Variants in PDE4D observed in about 807,000 individuals in gnomAD.
The protein encoded by PDE4D is phosphodiesterase 4D.
Under a neutral mutation model 87.4 loss-of-function variants are expected in PDE4D, and 24 were observed. The ratio of observed to expected loss-of-function variants is 0.27; its 90% CI spans 0.20 to 0.39. The LOEUF is 0.39. Among genes scored for constraint, PDE4D ranks in the 10% least tolerant of loss-of-function variants. The pLI is 1.00. For missense variants in PDE4D, 714 were observed against 1,041.0 expected (o/e 0.69, Z 4.32); for synonymous variants, 384 against 383.2 (o/e 1.00, Z -0.02).
chr5:60,305,874 G>T (rs1754457618), intron 1 of PDE4D, among the ~76,000 whole-genome samples: 1 of 151,802 alleles, frequency 6.6e-6, no homozygotes, highest in African/African-American at 2.4e-5. Flanking sequence ...GAAACTAACA[G>T]AAATACAGTA....
At chr5:60,032,787 G>A (rs1767383417) in intron 2 of PDE4D, 1 of 152,146 alleles carries the variant, frequency 6.6e-6, no homozygotes, top group South Asian at 2.1e-4. Context: ...TTCTTTTAGG[G>A]AAGGATGTAG....
chr5:59,223,845 G>A (rs553754643), intron 1 of PDE4D, among the ~76,000 whole-genome samples: 25 of 152,048 alleles, frequency 1.6e-4, no homozygotes, highest in South Asian at 8.3e-4. Flanking sequence ...TAGGATACCC[G>A]GAGAAGGCAT....
chr5:59,996,749 G>T (rs576657759), intron 2 of PDE4D, among the ~76,000 whole-genome samples: 1 of 152,126 alleles, frequency 6.6e-6, no homozygotes, highest in Non-Finnish European at 1.5e-5. Flanking sequence ...AAAGGGCATT[G>T]TATCGACTTA....
chr5:59,798,874 C>G (rs1377055028), intron 1 of PDE4D, among the ~76,000 whole-genome samples: 1 of 152,130 alleles, frequency 6.6e-6, no homozygotes, highest in Non-Finnish European at 1.5e-5. Context: ...GAGATGATGA[C>G]AGCTACTGTG....
At chr5:59,416,195 T>A (rs899432410) in intron 1 of PDE4D, among the ~76,000 whole-genome samples, 4 of 152,202 alleles carry the variant, frequency 2.6e-5, no homozygotes, top group African/African-American at 9.6e-5. Context: ...TTTTTATGTC[T>A]CAAAGGAGAA....
In PDE4D at chr5:60,211,214, C is replaced by T. The variant is rs1203367360; in HGVS notation, c.-89-25527G>A. 3.6e-4 allele frequency among the ~76,000 whole-genome samples: 55 copies of T among 152,158 alleles called. 1 individual carries two copies. Among genetic ancestry groups the T allele is most frequent in the Admixed American group, 3.6e-3 (55 of 15,272 alleles). On this transcript the variant is annotated intron_variant, in intron 1 of 16. Coordinates refer to the PDE4D transcript ENST00000502484. ...AATACATTTCTCTGCACCCAGGGAC[C>T]CTCACATTAGCTCGTAGATGCCATT...
chr5:60,255,007 T>C (rs1359961428), intron 1 of PDE4D, among the ~76,000 whole-genome samples: 1 of 151,878 alleles, frequency 6.6e-6, no homozygotes, highest in Non-Finnish European at 1.5e-5. Flanking sequence ...GCTTAAATAC[T>C]TCATAAAGAA....
intron 1 of PDE4D, among the ~76,000 whole-genome samples, chr5:60,337,101 C>T (rs1326961580): frequency 2.0e-5 from 3 of 150,342 alleles, no homozygotes; most frequent in South Asian, 2.1e-4. Context: ...CGGTGGATCA[C>T]CTGAGGTCAG....
chr5:59,468,000 C>CA (rs148395847), intron 1 of PDE4D, among the ~76,000 whole-genome samples: 3 of 150,996 alleles, frequency 2.0e-5, no homozygotes, highest in Non-Finnish European at 3.0e-5. Flanking sequence ...AGAAAAAGAT[C>CA]AAAAAAAAGT....
rs1300466316 is a variant in PDE4D, at chr5:59,399,200, ATG to A, written c.456-183234_456-183233del. ...CAATGCCATCCCCATCAAGCTACCC[ATG>A]ACTTTCTTCACAGAATTGGAAAAAA... On this transcript the variant is annotated intron_variant, in intron 1 of 14. Transcript: ENST00000340635. Among the ~76,000 whole-genome samples, 3 of 135,540 alleles carry A rather than the reference ATG, an allele frequency of 2.2e-5. No individual in the cohort carries two copies. In the East Asian group the frequency reaches 6.6e-4, roughly 30 times the overall value. The allele number at this position is 135,540 out of a possible 152,430, so 88.9% of individuals were successfully genotyped here. A position where few individuals can be genotyped will look rare whatever the true frequency, so the allele number is the denominator to read the frequency against.
At chr5:60,474,108 A>ATATATATATGTGTATG (rs796843843) in intron 1 of PDE4D, among the ~76,000 whole-genome samples, 2 of 52,312 alleles carry the variant, frequency 3.8e-5, no homozygotes, top group Non-Finnish European at 6.7e-5. Flanking sequence ...GAGCTGCCAT[A>ATATATATATGTGTATG]TATATATATA....
intron 2 of PDE4D, among the ~76,000 whole-genome samples, chr5:60,142,885 T>C (rs1261211451): frequency 6.6e-6 from 1 of 152,186 alleles, no homozygotes; most frequent in Admixed American, 6.6e-5. Context: ...TTTAGGATTG[T>C]GGCCACAAAA....
intron 1 of PDE4D, among the ~76,000 whole-genome samples, chr5:59,365,457 C>A (rs541545154): frequency 2.4e-4 from 36 of 152,120 alleles, no homozygotes; most frequent in Non-Finnish European, 4.6e-4. Context: ...CAGAGTAAGA[C>A]CCTATCTCTA....
chr5:60,039,997 T>A (rs1407762427), intron 2 of PDE4D, among the ~76,000 whole-genome samples: 1 of 152,240 alleles, frequency 6.6e-6, no homozygotes, highest in Non-Finnish European at 1.5e-5. Flanking sequence ...TTTAGAAATA[T>A]ATTTTGAATG....
intron 1 of PDE4D, among the ~76,000 whole-genome samples, chr5:60,322,478 C>T (rs1462690093): frequency 6.6e-6 from 1 of 151,598 alleles, no homozygotes; most frequent in East Asian, 1.9e-4. Context: ...CTTTCTTGTC[C>T]CCTCACCTTC....
chr5:59,126,323 A>T (rs538454303), intron 5 of PDE4D, among the ~76,000 whole-genome samples: 15 of 152,362 alleles, frequency 9.8e-5, no homozygotes, highest in Non-Finnish European at 2.1e-4. Context: ...CCTGCAAGAC[A>T]ATTAGCCATC....
intron 1 of PDE4D, among the ~76,000 whole-genome samples, chr5:59,332,335 A>C (rs1203383876): frequency 6.6e-6 from 1 of 152,134 alleles, no homozygotes; most frequent in African/African-American, 2.4e-5. Context: ...CATTTTTAAA[A>C]ACTGAGAGAA....
chr5:59,479,718 A>T (rs75506692), intron 1 of PDE4D, among the ~76,000 whole-genome samples: 12,895 of 152,174 alleles, frequency 0.085, 570 homozygotes, highest in Middle Eastern at 0.11. Context: ...ATGAATACAT[A>T]TGCCGAGTGG....
intron 1 of PDE4D, among the ~76,000 whole-genome samples, chr5:60,470,021 T>C (rs2150190343): frequency 6.6e-6 from 1 of 152,288 alleles, no homozygotes; most frequent in Admixed American, 6.5e-5. Flanking sequence ...AGCCAAAAGC[T>C]CCTGTGCAAG....
Sources: gnomAD v4.1 joint callset for allele counts (sites outside exome capture counted in the v4.1 genomes callset) on GRCh38, gnomAD v4.1.1 for gene constraint, MANE v1.5 for transcripts, NCBI Gene and HGNC (gene_info 2026-07-23, HGNC 2026-07-21) for gene names.